Variants in PBX3 observed in about 807,000 individuals in gnomAD.
PBX3 encodes pre-B-cell leukemia transcription factor 3.
PBX3 carries 14 observed loss-of-function variants against 48.5 expected under a neutral mutation model. The ratio of observed to expected loss-of-function variants is 0.29; its 90% confidence interval spans 0.19 to 0.45. The LOEUF (loss-of-function observed/expected upper bound fraction) is 0.45. Among genes scored for constraint, PBX3 ranks in the 20% least tolerant of loss-of-function variants. PBX3 has a pLI of 1.00. For synonymous variants in PBX3, 210 were observed against 200.3 expected, an observed-to-expected ratio of 1.05 and a Z score of -0.41; for missense variants, 386 against 546.7, an observed-to-expected ratio of 0.71 and a Z score of 2.93.
intron 2 of PBX3, among the ~76,000 whole-genome samples, chr9:125,855,546 G>T (rs1337379556): frequency 6.6e-6 from 1 of 152,092 alleles, no homozygotes; most frequent in East Asian, 1.9e-4. Context: ...TCCTTCAAAT[G>T]ATAAATATCC....
intron 2 of PBX3, among the ~76,000 whole-genome samples, chr9:125,833,157 C>T (rs62567228): frequency 0.11 from 16,448 of 152,042 alleles, 1,118 homozygotes; most frequent in South Asian, 0.17. Context: ...TTTGTGTTTA[C>T]TGAGTTCCTG....
chr9:125,747,489 C>A lies in PBX3; in HGVS notation c.36C>A (p.Ala12=), dbSNP rs1836220270. 6 of 1,583,778 alleles carry A rather than the reference C, an allele frequency of 3.8e-6. No homozygotes were observed. The highest frequency in any genetic ancestry group is 3.4e-6 in the Non-Finnish European group (4 of 1,166,604). The change falls in exon 1 of 9, where the codon GCC becomes GCA. Residue 12 remains alanine, a synonymous_variant. Coordinates refer to ENST00000373489, the MANE Select transcript of PBX3 (RefSeq NM_006195.6). ...AATCCAGGATGCTGCAGACTCTGGC[C>A]GGGGTGAACCTGGCTGGCCACTCGG... ...DDQSRMLQTL[A]GVNLAGHSVQ... is the part of the protein sequence containing the mutation.
At chr9:125,863,435 C>A (rs1454618060) in intron 2 of PBX3, among the ~76,000 whole-genome samples, 1 of 152,092 alleles carries the variant, frequency 6.6e-6, no homozygotes, top group Non-Finnish European at 1.5e-5. Flanking sequence ...TTGTCTCGAT[C>A]TCTTGACCTT....
At chr9:125,904,638 C>G (rs935533614) in intron 2 of PBX3, among the ~76,000 whole-genome samples, 3 of 151,834 alleles carry the variant, frequency 2.0e-5, no homozygotes, top group Admixed American at 1.3e-4. Flanking sequence ...AGTAAACTAG[C>G]ATCAGATTAA....
chr9:125,956,028 T>G (rs1842300896), intron 5 of PBX3, among the ~76,000 whole-genome samples: 1 of 152,212 alleles, frequency 6.6e-6, no homozygotes, highest in African/African-American at 2.4e-5. Flanking sequence ...CATCCCACTT[T>G]GGGCAACTTG....
At chr9:125,932,182 A>G (rs956069591) in intron 4 of PBX3, among the ~76,000 whole-genome samples, 5 of 152,206 alleles carry the variant, frequency 3.3e-5, no homozygotes. Flanking sequence ...GGTATCTGGA[A>G]TGGAGCCCGG....
In PBX3 at chr9:125,782,853, T is replaced by A. The variant is rs189234790; in HGVS notation, c.274+34230T>A. On this transcript the variant is annotated intron_variant, in intron 2 of 8. Coordinates refer to ENST00000373489, the MANE Select transcript of PBX3 (RefSeq NM_006195.6). ...AATTCTTAGTAGGCAGGTTTTTTTT[T>A]CTTTCAGCACTTTAAATATGTTGTC... Among the ~76,000 whole-genome samples, 5 of 152,334 alleles carry A rather than the reference T, an allele frequency of 3.3e-5. No homozygotes were observed. In the East Asian group the frequency reaches 9.6e-4, roughly 29 times the overall value.
At position 125,762,068 on chromosome 9, in the gene PBX3, C is replaced by T. The variant is rs575364404; in HGVS notation, c.274+13445C>T. On this transcript the variant is annotated intron_variant, in intron 2 of 8. Coordinates refer to ENST00000373489, the MANE Select transcript of PBX3 (RefSeq NM_006195.6). ...GCAGTTTATATTCTAAATATATTTGCAATAGTGAATGTTGTAAATTTAAAA... is the reference window on the plus strand; with the variant it reads ...GCAGTTTATATTCTAAATATATTTGTAATAGTGAATGTTGTAAATTTAAAA... 1.1e-4 allele frequency among the ~76,000 whole-genome samples: 16 copies of T among 152,220 alleles called. No individual in the cohort carries two copies. In the South Asian group the frequency reaches 3.3e-3, roughly 32 times the overall value.
intron 2 of PBX3, among the ~76,000 whole-genome samples, chr9:125,802,901 A>C: frequency 6.6e-6 from 1 of 151,376 alleles, no homozygotes; most frequent in African/African-American, 2.4e-5. Flanking sequence ...CTGGTCTCGA[A>C]CTCCTGACCT....
rs550807795 is a variant in PBX3 at position 125,849,281 on chromosome 9, A to G, written c.275-66405A>G. On this transcript the variant is annotated intron_variant, in intron 2 of 8. Coordinates refer to ENST00000373489, the MANE Select transcript of PBX3 (RefSeq NM_006195.6). The stretch of plus-strand genomic sequence containing the variant: ...ATAACAGATAGGCTGTGATGTCCTC[A>G]TGTGTGCTTTATTTATTGTGCTATC... Among the ~76,000 whole-genome samples, 13 of 151,994 alleles carry G rather than the reference A, an allele frequency of 8.6e-5. No individual in the cohort carries two copies. The South Asian group carries it at 2.7e-3, about 32-fold the overall frequency.
intron 2 of PBX3, among the ~76,000 whole-genome samples, chr9:125,897,660 A>G (rs1224329126): frequency 2.0e-5 from 3 of 151,938 alleles, no homozygotes; most frequent in Non-Finnish European, 2.9e-5. Flanking sequence ...TAGTTTATAT[A>G]GGGAAAACTG....
intron 2 of PBX3, among the ~76,000 whole-genome samples, chr9:125,892,034 C>G (rs1353773602): frequency 6.6e-6 from 1 of 152,116 alleles, no homozygotes; most frequent in Non-Finnish European, 1.5e-5. Flanking sequence ...ATTCTCCTGC[C>G]CCGGCCTCCC....
Position 125,748,637 on chromosome 9 carries a change from C to T in PBX3, c.274+14C>T. On this transcript the variant is annotated intron_variant, in intron 2 of 8. Transcript: ENST00000373489. ...AAGAGAAAACAGGTAAGACGCTGCG[C>T]CCCGCAGTGGGCCTGGAGACCCCCG... 1.9e-6 allele frequency: 3 copies of T among 1,609,750 alleles called. No individual in the cohort carries two copies. Among genetic ancestry groups the T allele is most frequent in the Non-Finnish European group, 2.5e-6 (3 of 1,177,338 alleles).
At chr9:125,912,057 C>G (rs895283831) in intron 2 of PBX3, among the ~76,000 whole-genome samples, 2 of 152,072 alleles carry the variant, frequency 1.3e-5, no homozygotes, top group Non-Finnish European at 1.5e-5. Flanking sequence ...AATGAGGGAG[C>G]CACAAAGCTT....
chr9:125,850,123 T>A (rs946093267), intron 2 of PBX3, among the ~76,000 whole-genome samples: 14 of 152,068 alleles, frequency 9.2e-5, no homozygotes, highest in African/African-American at 3.4e-4. Flanking sequence ...TTTTGATAAT[T>A]AATGCTACAG....
intron 2 of PBX3, among the ~76,000 whole-genome samples, chr9:125,778,859 C>T (rs1473669070): frequency 7.3e-6 from 1 of 136,978 alleles, no homozygotes; most frequent in African/African-American, 2.7e-5. Context: ...CAACTTTGCT[C>T]ACCATTGCTT....
chr9:125,798,582 A>AT (rs1175984307), intron 2 of PBX3, among the ~76,000 whole-genome samples: 1 of 152,156 alleles, frequency 6.6e-6, no homozygotes, highest in Non-Finnish European at 1.5e-5. Flanking sequence ...AAAGGCATTT[A>AT]TTTGAGTTCT....
intron 3 of PBX3, among the ~76,000 whole-genome samples, chr9:125,928,559 G>T (rs895387840): frequency 6.6e-6 from 1 of 151,636 alleles, no homozygotes; most frequent in Non-Finnish European, 1.5e-5. Context: ...TCCATCGCCT[G>T]GGTTCACGCC....
At chr9:125,808,603 C>G (rs1838197671) in intron 2 of PBX3, among the ~76,000 whole-genome samples, 1 of 152,106 alleles carries the variant, frequency 6.6e-6, no homozygotes, top group Admixed American at 6.5e-5. Context: ...GAGGTCAGGG[C>G]TTCAGTGAGT....
Sources: allele counts gnomAD v4.1 joint callset (sites outside exome capture counted in the v4.1 genomes callset), GRCh38; gene constraint gnomAD v4.1.1; transcripts MANE v1.5; gene names NCBI Gene and HGNC (gene_info 2026-07-23, HGNC 2026-07-21).